Variants in ELAPOR2 observed in about 807,000 individuals in gnomAD.
ELAPOR2 encodes the protein endosome-lysosome associated apoptosis and autophagy regulator family member 2.
A neutral mutation model predicts 120.7 loss-of-function variants in ELAPOR2; 89 were observed. The ratio of observed to expected loss-of-function variants is 0.74; its 90% CI spans 0.62 to 0.88. The LOEUF (loss-of-function observed/expected upper bound fraction) is 0.88, where lower values mean the gene tolerates loss of function less well. Ranked by LOEUF, ELAPOR2 falls within the 40% of genes least tolerant of loss-of-function variation. The pLI, the probability that ELAPOR2 is intolerant of heterozygous loss-of-function variation, is 0.00. For missense variants in ELAPOR2, 1,134 were observed against 1,251.6 expected (o/e 0.91, Z 1.42); for synonymous variants, 444 against 444.9 (o/e 1.00, Z 0.03).
Position 86,905,383 on chromosome 7 carries a change from C to T in ELAPOR2, c.2558+2287G>A, listed in dbSNP as rs147443697. ...TAATTTCAGGAAAGCTGCTGTTTCT[C>T]GTGTTCTGATCTCCGAGCTCCCCCT... On this transcript the variant is annotated intron_variant, in intron 18 of 21. Coordinates refer to ENST00000450689, the MANE Select transcript of ELAPOR2 (RefSeq NM_001142749.3). Among the ~76,000 whole-genome samples the T allele has an allele frequency of 7.3e-4, 110 of 151,416 alleles. 1 individual carries two copies. The highest frequency in any genetic ancestry group is 2.4e-3 in the African/African-American group (98 of 41,338).
rs1450090423 is a variant in ELAPOR2 at position 86,927,228 on chromosome 7, C to T, written c.1090-312G>A. On this transcript the variant is annotated intron_variant, in intron 8 of 21. Transcript: ENST00000450689. ...CCTTACTCTTCTATCCATTCATTTACTTTATTCCATAGCTGACATAAGTTT... is the reference window on the plus strand; with the variant it reads ...CCTTACTCTTCTATCCATTCATTTATTTTATTCCATAGCTGACATAAGTTT... Among the ~76,000 whole-genome samples, 8 of 151,992 alleles carry T rather than the reference C, an allele frequency of 5.3e-5. No homozygotes were observed. In the East Asian group the frequency reaches 1.5e-3, roughly 29 times the overall value.
chr7:87,036,106 G>C (rs976784392), intron 1 of ELAPOR2, among the ~76,000 whole-genome samples: 3 of 152,184 alleles, frequency 2.0e-5, no homozygotes, highest in African/African-American at 7.2e-5. Context: ...TGTTCAAATA[G>C]CCAGGAATCT....
chr7:86,988,900 C>T (rs1792847664), intron 1 of ELAPOR2, among the ~76,000 whole-genome samples: 1 of 152,052 alleles, frequency 6.6e-6, no homozygotes, highest in African/African-American at 2.4e-5. Context: ...TCCCACTCAT[C>T]CAAAAATAAA....
chr7:87,027,003 C>G (rs529491329), intron 1 of ELAPOR2, among the ~76,000 whole-genome samples: 1 of 152,010 alleles, frequency 6.6e-6, no homozygotes, highest in Non-Finnish European at 1.5e-5. Context: ...CTTGGTGCAA[C>G]AACAAAATTT....
chr7:87,039,817 G>T (rs1033194183), intron 1 of ELAPOR2, among the ~76,000 whole-genome samples: 1 of 152,186 alleles, frequency 6.6e-6, no homozygotes, highest in South Asian at 2.1e-4. Context: ...CAGCGTGAGC[G>T]ACGCAGAAGA....
chr7:87,028,797 C>T (rs1337088747), intron 1 of ELAPOR2, among the ~76,000 whole-genome samples: 3 of 152,126 alleles, frequency 2.0e-5, no homozygotes, highest in African/African-American at 7.2e-5. Flanking sequence ...CTTTCACACA[C>T]CCTAAAAGGC....
At chr7:87,004,957 C>T (rs1456151559) in intron 1 of ELAPOR2, among the ~76,000 whole-genome samples, 1 of 151,980 alleles carries the variant, frequency 6.6e-6, no homozygotes, top group Non-Finnish European at 1.5e-5. Context: ...CCCAGAGCTA[C>T]CAATAATGAG....
chr7:86,995,716 T>C (rs1468434257), intron 1 of ELAPOR2, among the ~76,000 whole-genome samples: 1 of 152,064 alleles, frequency 6.6e-6, no homozygotes, highest in Non-Finnish European at 1.5e-5. Context: ...TCAAGAAAAG[T>C]GATATAACAA....
chr7:87,050,851 G>A (rs562493477), intron 1 of ELAPOR2, among the ~76,000 whole-genome samples: 2 of 152,284 alleles, frequency 1.3e-5, no homozygotes, highest in African/African-American at 4.8e-5. Context: ...CTGATAGGAT[G>A]GATGTAGGAT....
At chr7:87,043,151 G>T (rs1450159822) in intron 1 of ELAPOR2, among the ~76,000 whole-genome samples, 4 of 151,846 alleles carry the variant, frequency 2.6e-5, no homozygotes, top group Non-Finnish European at 5.9e-5. Flanking sequence ...TCCAGGACCA[G>T]ATGGATTCAC....
intron 1 of ELAPOR2, among the ~76,000 whole-genome samples, chr7:86,991,695 A>G (rs1207579605): frequency 2.6e-5 from 4 of 152,376 alleles, no homozygotes; most frequent in Non-Finnish European, 1.5e-5. Flanking sequence ...TAAAGGCTCC[A>G]TGAAGTCATG....
chr7:87,036,209 C>A (rs1298710249), intron 1 of ELAPOR2, among the ~76,000 whole-genome samples: 1 of 152,202 alleles, frequency 6.6e-6, no homozygotes, highest in African/African-American at 2.4e-5. Context: ...CATGGTGCCT[C>A]ACACCTGCAA....
At chr7:86,997,072 C>G (rs554040782) in intron 1 of ELAPOR2, among the ~76,000 whole-genome samples, 2 of 152,244 alleles carry the variant, frequency 1.3e-5, no homozygotes, top group African/African-American at 4.8e-5. Context: ...GATCCTGTCA[C>G]TAATTTTTCC....
chr7:86,908,860 G>A (rs1789162245), intron 16 of ELAPOR2, among the ~76,000 whole-genome samples: 1 of 152,026 alleles, frequency 6.6e-6, no homozygotes, highest in Non-Finnish European at 1.5e-5. Flanking sequence ...CATCTCAAAA[G>A]TCTATTAAAA....
intron 3 of ELAPOR2, among the ~76,000 whole-genome samples, chr7:86,946,710 A>G (rs761286712): frequency 6.6e-6 from 1 of 152,172 alleles, no homozygotes; most frequent in African/African-American, 2.4e-5. Flanking sequence ...TTACACTGAG[A>G]AAATTACACT....
intron 21 of ELAPOR2, among the ~76,000 whole-genome samples, chr7:86,883,023 G>GGTGTGTGTGTGT (rs55859925): frequency 4.2e-5 from 6 of 141,452 alleles, no homozygotes; most frequent in Admixed American, 1.4e-4. Flanking sequence ...GTTTGAAAGG[G>GGTGTGTGTGTGT]GTGTGTGTGT....
chr7:87,059,037 A>G (rs1016616324), intron 1 of ELAPOR2, among the ~76,000 whole-genome samples: 2 of 151,870 alleles, frequency 1.3e-5, no homozygotes, highest in Non-Finnish European at 2.9e-5. Context: ...CCTCGACCCC[A>G]GGTCCTCAAA....
At chr7:86,909,131 A>AC (rs1404328216) in intron 16 of ELAPOR2, among the ~76,000 whole-genome samples, 4 of 151,856 alleles carry the variant, frequency 2.6e-5, no homozygotes, top group East Asian at 1.9e-4. Flanking sequence ...AGCAACCCCC[A>AC]CCCCAGTAAC....
intron 1 of ELAPOR2, among the ~76,000 whole-genome samples, chr7:86,989,529 C>G (rs953280082): frequency 6.6e-6 from 1 of 152,164 alleles, no homozygotes. Flanking sequence ...AGAAAACAGC[C>G]GTGCCACTGC....
Sources: gnomAD v4.1 joint callset for allele counts (sites outside exome capture counted in the v4.1 genomes callset) on GRCh38, gnomAD v4.1.1 for gene constraint, MANE v1.5 for transcripts, NCBI Gene and HGNC (gene_info 2026-07-23, HGNC 2026-07-21) for gene names.